The following ZFPM1 variants were observed in gnomAD, a reference collection of about 807,000 sequenced individuals.
ZFPM1 encodes zinc finger protein ZFPM1.
Under a neutral mutation model 46.3 loss-of-function variants are expected in ZFPM1, and 28 were observed. The ratio of observed to expected loss-of-function variants is 0.60; its 90% confidence interval spans 0.45 to 0.83. ZFPM1 has a LOEUF of 0.83. Among genes scored for constraint, ZFPM1 ranks in the 40% least tolerant of loss-of-function variants. ZFPM1 has a pLI of 0.00. For missense variants in ZFPM1, 1,878 were observed against 1,432.4 expected, an observed-to-expected ratio of 1.31 and a Z score of -5.02; for synonymous variants, 957 against 675.9, an observed-to-expected ratio of 1.42 and a Z score of -6.45.
chr16:88,508,211 C>T (rs147400616), intron 3 of ZFPM1, among the ~76,000 whole-genome samples: 1 of 152,298 alleles, frequency 6.6e-6, no homozygotes, highest in African/African-American at 2.4e-5. Context: ...ATGGGAGAAT[C>T]GCTTGAACCC....
Position 88,528,063 on chromosome 16 carries a change from G to C in ZFPM1, c.537G>C (p.Pro179=). Residue 179 remains proline (P), a synonymous_variant, in exon 6 of 10, where the codon CCG becomes CCC. Transcript: ENST00000319555. The part of the protein sequence containing the change: ...DDALWCRVTK[P]VPAGGLLSVL... ...CACTCTGGTGCAGGGTCACCAAGCCGGTGCCTGCGGGGGGACTCCTGAGCG... is the reference window on the plus strand; with the variant it reads ...CACTCTGGTGCAGGGTCACCAAGCCCGTGCCTGCGGGGGGACTCCTGAGCG... 6.4e-7 allele frequency: 1 copy of C among 1,558,362 alleles called. No homozygotes were observed. Among genetic ancestry groups the C allele is most frequent in the Non-Finnish European group, 8.7e-7 (1 of 1,150,764 alleles).
At chr16:88,490,253 C>G (rs1243357284) in intron 3 of ZFPM1, among the ~76,000 whole-genome samples, 2 of 152,114 alleles carry the variant, frequency 1.3e-5, no homozygotes, top group African/African-American at 4.8e-5. Flanking sequence ...GGGGTTTCAC[C>G]GTGTTAGCCA....
At chr16:88,494,663 G>A (rs1300899541) in intron 3 of ZFPM1, among the ~76,000 whole-genome samples, 2 of 152,208 alleles carry the variant, frequency 1.3e-5, no homozygotes, top group South Asian at 4.1e-4. Context: ...GCACGGGCAG[G>A]AGGCCGCAGG....
At chr16:88,517,168 GGATGGATGGGTA>G (rs1374744212) in intron 4 of ZFPM1, among the ~76,000 whole-genome samples, 1 of 149,940 alleles carries the variant, frequency 6.7e-6, no homozygotes, top group Non-Finnish European at 1.5e-5. Flanking sequence ...GTAGGTGGAC[GGATGGATGGGTA>G]GATGGATGGA....
chr16:88,527,600 C>T (rs991226554), intron 5 of ZFPM1, among the ~76,000 whole-genome samples: 3 of 152,128 alleles, frequency 2.0e-5, no homozygotes, highest in South Asian at 2.1e-4. Flanking sequence ...GCCGGCCCCG[C>T]GCAGCCTGGG....
chr16:88,509,367 G>C (rs1910828783), intron 3 of ZFPM1, among the ~76,000 whole-genome samples: 1 of 152,268 alleles, frequency 6.6e-6, no homozygotes, highest in Non-Finnish European at 1.5e-5. Flanking sequence ...GTGGGTGCTG[G>C]GGTGACCCCA....
chr16:88,474,049 C>T (rs752722424), intron 1 of ZFPM1, among the ~76,000 whole-genome samples: 32 of 152,248 alleles, frequency 2.1e-4, no homozygotes, highest in Non-Finnish European at 3.7e-4. Flanking sequence ...ATAAAGTTTC[C>T]GAGTTCAGCG....
intron 1 of ZFPM1, among the ~76,000 whole-genome samples, chr16:88,483,533 C>T (rs1354787064): frequency 2.0e-5 from 3 of 152,136 alleles, no homozygotes; most frequent in Non-Finnish European, 1.5e-5. Context: ...CCGAGATCTA[C>T]CGGCGGCAGC....
intron 2 of ZFPM1, among the ~76,000 whole-genome samples, chr16:88,487,760 T>C (rs1401322584): frequency 6.6e-6 from 1 of 152,128 alleles, no homozygotes; most frequent in Non-Finnish European, 1.5e-5. Flanking sequence ...GGGCCCCTTT[T>C]TCTGGCAGGC....
At position 88,533,910 on chromosome 16, in the gene ZFPM1, C is replaced by T. The variant is rs749486818; in HGVS notation, c.1952C>T (p.Ala651Val). 4.7e-5 allele frequency: 53 copies of T among 1,120,488 alleles called. 1 individual carries two copies. In the South Asian group the frequency reaches 9.2e-4, roughly 20 times the overall value. 69.4% of individuals were successfully genotyped at this position (1,120,488 alleles called of 1,614,324 possible). A position where few individuals can be genotyped will look rare whatever the true frequency, so the allele number is the denominator to read the frequency against. The change falls in exon 10 of 10, where the codon GCG becomes GTG. Residue 651 changes from alanine to valine, a missense_variant. Ala to Val is a moderately conservative substitution (Grantham distance 64). Coordinates refer to ENST00000319555, the MANE Select transcript of ZFPM1 (RefSeq NM_153813.3). Reference protein sequence around the residue: ...PGAREEGAGGAATPEDGAGGR... With the variant: ...PGAREEGAGGVATPEDGAGGR... Reference sequence around the variant, plus strand: ...GCGCGCGAGGAGGGGGCTGGGGGCGCGGCCACGCCCGAGGACGGCGCGGGC... The same window carrying T: ...GCGCGCGAGGAGGGGGCTGGGGGCGTGGCCACGCCCGAGGACGGCGCGGGC...
intron 4 of ZFPM1, among the ~76,000 whole-genome samples, chr16:88,524,388 G>C (rs1263916912): frequency 6.6e-6 from 1 of 152,236 alleles, no homozygotes; most frequent in Non-Finnish European, 1.5e-5. Context: ...GGAGCCGGCA[G>C]AGCCCCACAG....
chr16:88,504,672 G>T (rs534187571), intron 3 of ZFPM1, among the ~76,000 whole-genome samples: 1 of 152,190 alleles, frequency 6.6e-6, no homozygotes, highest in Non-Finnish European at 1.5e-5. Context: ...GTACCGTGGC[G>T]CTCTGCCTGC....
At chr16:88,516,503 C>G (rs1911307539) in intron 4 of ZFPM1, 1 of 398,514 alleles carries the variant, frequency 2.5e-6, no homozygotes, top group African/African-American at 2.1e-5. Flanking sequence ...CCACTCTTCC[C>G]TCCTCTGCTT....
chr16:88,466,026 C>T (rs1297982280), intron 1 of ZFPM1, among the ~76,000 whole-genome samples: 2 of 152,216 alleles, frequency 1.3e-5, no homozygotes, highest in Non-Finnish European at 2.9e-5. Flanking sequence ...CCCGGCCGCT[C>T]CCTCGCTGGC....
At chr16:88,460,982 G>GGTGGGGCAGGAGGCCTGGTGAGGACC (rs1567525490) in intron 1 of ZFPM1, among the ~76,000 whole-genome samples, 1 of 55,660 alleles carries the variant, frequency 1.8e-5, no homozygotes, top group Non-Finnish European at 3.5e-5. Flanking sequence ...AGGACCGAGG[G>GGTGGGGCAGGAGGCCTGGTGAGGACC]GAGGGGCGGG....
chr16:88,501,897 T>C (rs1250900185), intron 3 of ZFPM1, among the ~76,000 whole-genome samples: 2 of 152,020 alleles, frequency 1.3e-5, no homozygotes, highest in Non-Finnish European at 2.9e-5. Flanking sequence ...AGGGGGCTCC[T>C]GGGCCGATGA....
Position 88,535,177 on chromosome 16 carries a change from C to T in ZFPM1, c.*198C>T, listed in dbSNP as rs1010380442. On this transcript the variant is annotated 3_prime_UTR_variant, in exon 10 of 10. Coordinates refer to ENST00000319555, the MANE Select transcript of ZFPM1 (RefSeq NM_153813.3). ...TCAGTTTGATGAGCATGGTGGTGGG[C>T]CAGCCTAGTTCTCTGAGCCAGCAGG... is the stretch of plus-strand genomic sequence containing the variant. 16 of 567,464 alleles carry T rather than the reference C, an allele frequency of 2.8e-5. No individual in the cohort carries two copies. Among genetic ancestry groups the T allele is most frequent in the Non-Finnish European group, 3.9e-5 (15 of 381,484 alleles). 35.2% of individuals were successfully genotyped at this position (567,464 alleles called of 1,614,324 possible). A position where few individuals can be genotyped will look rare whatever the true frequency, so the allele number is the denominator to read the frequency against.
At chr16:88,521,872 T>C (rs1405884726) in intron 4 of ZFPM1, 1 of 154,626 alleles carries the variant, frequency 6.5e-6, no homozygotes, top group African/African-American at 2.4e-5. Flanking sequence ...CTCCTCTCTG[T>C]TTCCTCCCCC....
At chr16:88,460,721 A>G (rs1907778580) in intron 1 of ZFPM1, among the ~76,000 whole-genome samples, 2 of 152,186 alleles carry the variant, frequency 1.3e-5, no homozygotes, top group African/African-American at 4.8e-5. Context: ...TGGGTAGTCT[A>G]ACAGGGCTGG....
Sources: allele counts gnomAD v4.1 joint callset (sites outside exome capture counted in the v4.1 genomes callset), GRCh38; gene constraint gnomAD v4.1.1; transcripts MANE v1.5; gene names NCBI Gene and HGNC (gene_info 2026-07-23, HGNC 2026-07-21).